TRPC3: variants seen among roughly 807,000 people sequenced by gnomAD.
The protein encoded by TRPC3 is short transient receptor potential channel 3.
In TRPC3, 54 loss-of-function variants were observed where a neutral mutation model predicts 90.9. That is an observed-to-expected ratio of 0.59 (90% CI 0.48 to 0.75). The LOEUF (loss-of-function observed/expected upper bound fraction) is 0.75, where lower values mean the gene tolerates loss of function less well. Ranked by LOEUF, TRPC3 falls within the 30% of genes least tolerant of loss-of-function variation. The probability of loss-of-function intolerance (pLI) is 0.00; values close to 1 mark genes in which losing one functional copy is unlikely to be tolerated. For missense variants in TRPC3, 918 were observed against 1,194.5 expected, an observed-to-expected ratio of 0.77 and a Z score of 3.41; for synonymous variants, 424 against 450.9, an observed-to-expected ratio of 0.94 and a Z score of 0.75.
chr4:121,918,143 GCTCTTCTA>G (rs1729381518), intron 3 of TRPC3, among the ~76,000 whole-genome samples: 1 of 152,140 alleles, frequency 6.6e-6, no homozygotes, highest in East Asian at 1.9e-4. Flanking sequence ...CAGCTAGCTT[GCTCTTCTA>G]CTCTTCTGCC....
rs1727768165 is a variant in TRPC3 at position 121,876,535 on chromosome 4, C to T, written c.*3201G>A. ...ATTGTCCATCAGACAATTTATCTTC[C>T]CATTTACAAAAGCTGCTTTCACTTG... On this transcript the variant is annotated 3_prime_UTR_variant, in exon 12 of 12. Coordinates refer to ENST00000379645, the MANE Select transcript of TRPC3 (RefSeq NM_001130698.2). Among the ~76,000 whole-genome samples the T allele has an allele frequency of 2.0e-5, 3 of 152,270 alleles. No individual in the cohort carries two copies. The highest frequency in any genetic ancestry group is 7.2e-5 in the African/African-American group (3 of 41,556).
At chr4:121,904,583 A>G in intron 7 of TRPC3, 66 bp from the exon 8 acceptor site, 1 of 1,288,010 alleles carries the variant, frequency 7.8e-7, no homozygotes, top group Non-Finnish European at 1.0e-6. Context: ...GTGAAAAGTA[A>G]AAAACAAGTT....
intron 5 of TRPC3, among the ~76,000 whole-genome samples, chr4:121,911,146 A>G (rs750656855): frequency 1.4e-4 from 21 of 152,246 alleles, no homozygotes; most frequent in Non-Finnish European, 2.8e-4. Flanking sequence ...ACCTAGGCTG[A>G]GGCCACAGGA....
intron 10 of TRPC3, among the ~76,000 whole-genome samples, chr4:121,895,455 AAC>A (rs2149112309): frequency 1.3e-5 from 2 of 152,238 alleles, no homozygotes; most frequent in South Asian, 4.1e-4. Flanking sequence ...GTAACTTAAA[AAC>A]AGAGAGATAT....
chr4:121,892,824 A>T (rs1028062699), intron 10 of TRPC3, among the ~76,000 whole-genome samples: 1 of 152,182 alleles, frequency 6.6e-6, no homozygotes, highest in South Asian at 2.1e-4. Context: ...ATTCAAATAG[A>T]GAAATAAGGA....
intron 3 of TRPC3, among the ~76,000 whole-genome samples, chr4:121,920,417 G>C (rs1172567776): frequency 1.3e-5 from 2 of 151,984 alleles, no homozygotes; most frequent in Admixed American, 6.6e-5. Context: ...CCAGCTACTC[G>C]GGAGGCTGAG....
intron 9 of TRPC3, 21 bp downstream of exon 9, chr4:121,902,831 T>C (rs200305581): frequency 6.5e-7 from 1 of 1,530,624 alleles, no homozygotes; most frequent in Non-Finnish European, 8.9e-7. Context: ...TTTAAGGTCT[T>C]GGTAAGTTTT....
At chr4:121,930,830 TAAAAAAAAAAA>T (rs71599162) in intron 2 of TRPC3, 9 of 204,272 alleles carry the variant, frequency 4.4e-5, no homozygotes, top group African/African-American at 1.6e-4. Context: ...CTCTGAGATC[TAAAAAAAAAAA>T]AAAAAAAAAA....
chr4:121,918,134 A>C (rs1188858455), intron 3 of TRPC3, among the ~76,000 whole-genome samples: 1 of 152,190 alleles, frequency 6.6e-6, no homozygotes, highest in Non-Finnish European at 1.5e-5. Flanking sequence ...TGCAGCATTC[A>C]GCTAGCTTGC....
chr4:121,910,221 G>A lies in TRPC3; in HGVS notation c.1725C>T (p.Asp575=), dbSNP rs985575276. The part of the protein sequence containing the change: ...LQATKAQQYV[D]SYVQESDLSE... ...TGAGGTCACTCTCTTGGACGTAACT[G>A]TCCACATACTGTTGTGCCTTCGTTG... The change falls in exon 6 of 12, where the codon GAC becomes GAT. Residue 575 remains aspartate, a synonymous_variant. Transcript: ENST00000379645. The A allele has an allele frequency of 2.5e-6, 4 of 1,613,658 alleles. No homozygotes were observed. Among genetic ancestry groups the A allele is most frequent in the Non-Finnish European group, 3.4e-6 (4 of 1,179,790 alleles).
At chr4:121,940,642 T>C (rs913981085) in intron 1 of TRPC3, among the ~76,000 whole-genome samples, 1 of 152,250 alleles carries the variant, frequency 6.6e-6, no homozygotes, top group Non-Finnish European at 1.5e-5. Flanking sequence ...GCAATGCCGA[T>C]ATGACCCACA....
At chr4:121,890,833 A>C (rs1395558361) in intron 10 of TRPC3, among the ~76,000 whole-genome samples, 1 of 152,008 alleles carries the variant, frequency 6.6e-6, no homozygotes, top group Non-Finnish European at 1.5e-5. Flanking sequence ...CTACTAAAAA[A>C]ATACAAAAAT....
At position 121,878,228 on chromosome 4, in the gene TRPC3, C is replaced by T. The variant is rs1727823409; in HGVS notation, c.*1508G>A. On this transcript the variant is annotated 3_prime_UTR_variant, in exon 12 of 12. Coordinates refer to ENST00000379645, the MANE Select transcript of TRPC3 (RefSeq NM_001130698.2). Reference sequence around the variant, plus strand: ...TGGTAGCAAAACATTTATAAAGTTCCTTTCTTAATTTAACTCCCAAAAAGT... The same window carrying T: ...TGGTAGCAAAACATTTATAAAGTTCTTTTCTTAATTTAACTCCCAAAAAGT... Among the ~76,000 whole-genome samples the T allele has an allele frequency of 6.6e-6, 1 of 152,118 alleles. No individual in the cohort carries two copies. Among genetic ancestry groups the T allele is most frequent in the African/African-American group, 2.4e-5 (1 of 41,422 alleles).
At chr4:121,891,170 C>T (rs748280670) in intron 10 of TRPC3, among the ~76,000 whole-genome samples, 3 of 152,172 alleles carry the variant, frequency 2.0e-5, no homozygotes, top group African/African-American at 7.2e-5. Context: ...AACTCTTCCA[C>T]ATCAACATTC....
At chr4:121,924,152 C>T (rs1447119967) in intron 3 of TRPC3, among the ~76,000 whole-genome samples, 1 of 152,144 alleles carries the variant, frequency 6.6e-6, no homozygotes, top group African/African-American at 2.4e-5. Context: ...CTTGGCAATC[C>T]TCAGTTTCCT....
At position 121,951,150 on chromosome 4, in the gene TRPC3, C is replaced by T. The variant is rs544562848; in HGVS notation, c.215+316G>A. On this transcript the variant is annotated intron_variant, in intron 1 of 11. Transcript: ENST00000379645. This position sits in a 1 kb window ranked among gnomAD's most constrained non-coding sequence, Gnocchi z 4.4. ...TCGTGCGAGCTCCTCGGCTCTAATACAGGGAGTGGCTGCTCGCCAGGATGC... is the reference window on the plus strand; with the variant it reads ...TCGTGCGAGCTCCTCGGCTCTAATATAGGGAGTGGCTGCTCGCCAGGATGC... Among the ~76,000 whole-genome samples the T allele has an allele frequency of 1.3e-5, 2 of 152,322 alleles. No individual in the cohort carries two copies. Among genetic ancestry groups the T allele is most frequent in the South Asian group, 2.1e-4 (1 of 4,822 alleles).
At chr4:121,948,838 C>CG (rs1237973051) in intron 1 of TRPC3, among the ~76,000 whole-genome samples, 2 of 105,726 alleles carry the variant, frequency 1.9e-5, no homozygotes, top group African/African-American at 3.2e-5. Context: ...TAACTCTTTG[C>CG]GGTTTTTTTT....
intron 1 of TRPC3, among the ~76,000 whole-genome samples, chr4:121,940,109 G>C (rs1435005296): frequency 6.6e-6 from 1 of 152,170 alleles, no homozygotes; most frequent in Non-Finnish European, 1.5e-5. Context: ...GAGCCCTTTA[G>C]AAGATTGGGG....
chr4:121,889,808 A>G (rs1728257423), intron 10 of TRPC3, among the ~76,000 whole-genome samples: 1 of 152,192 alleles, frequency 6.6e-6, no homozygotes, highest in Non-Finnish European at 1.5e-5. Context: ...CAGCAATCCC[A>G]CTACTGGTAT....
Sources: gnomAD v4.1 joint callset for allele counts (sites outside exome capture counted in the v4.1 genomes callset) on GRCh38, gnomAD v4.1.1 for gene constraint, Gnocchi (gnomAD v3.1) non-coding constraint, MANE v1.5 for transcripts, NCBI Gene and HGNC (gene_info 2026-07-23, HGNC 2026-07-21) for gene names.